The following PLCE1 variants were observed in gnomAD, a reference collection of about 807,000 sequenced individuals.
PLCE1 encodes the protein phospholipase C epsilon 1.
A neutral mutation model predicts 242.8 loss-of-function variants in PLCE1; 119 were observed. The ratio of observed to expected loss-of-function variants is 0.49; its 90% CI spans 0.42 to 0.57. PLCE1 has a LOEUF of 0.57. PLCE1 is among the 20% of genes least tolerant of loss of function. The probability of loss-of-function intolerance (pLI) is 0.00; values close to 1 mark genes in which losing one functional copy is unlikely to be tolerated. For synonymous variants in PLCE1, 945 were observed against 1,017.4 expected (o/e 0.93, Z 1.35); for missense variants, 2,441 against 2,788.8 (o/e 0.88, Z 2.81).
At chr10:94,217,213 G>A (rs1353551426) in intron 4 of PLCE1, among the ~76,000 whole-genome samples, 1 of 151,842 alleles carries the variant, frequency 6.6e-6, no homozygotes, top group Non-Finnish European at 1.5e-5. Flanking sequence ...TACCAGCCTT[G>A]TAGAGCTGAA....
chr10:94,079,211 G>T (rs576707068), intron 2 of PLCE1, among the ~76,000 whole-genome samples: 6 of 152,264 alleles, frequency 3.9e-5, no homozygotes, highest in African/African-American at 1.4e-4. Flanking sequence ...GAGTCAAGTG[G>T]ATATTTTCAT....
chr10:94,175,212 G>A (rs969417032), intron 4 of PLCE1, among the ~76,000 whole-genome samples: 2 of 152,084 alleles, frequency 1.3e-5, no homozygotes, highest in African/African-American at 4.8e-5. Context: ...AGTAAAACCT[G>A]ACTTGCTAAT....
chr10:94,041,481 C>T (rs1472242794), intron 2 of PLCE1, among the ~76,000 whole-genome samples: 1 of 152,180 alleles, frequency 6.6e-6, no homozygotes, highest in African/African-American at 2.4e-5. Context: ...ATGTTTGCAT[C>T]TCCTTGTCCC....
Position 94,185,235 on chromosome 10 carries a change from C to T in PLCE1, c.1809+13739C>T, listed in dbSNP as rs74651761. 5.1e-3 allele frequency among the ~76,000 whole-genome samples: 776 copies of T among 152,340 alleles called. 3 individuals are homozygous for T. Among genetic ancestry groups the T allele is most frequent in the Middle Eastern group, 0.017 (5 of 294 alleles). ...TTGGGCATACGGCCACAGTGGCTCA[C>T]GCCTGTAATAACCAGCATTTTAAGA... On this transcript the variant is annotated intron_variant, in intron 4 of 32. Transcript: ENST00000371380.
chr10:94,084,936 G>T (rs747935705), intron 2 of PLCE1, among the ~76,000 whole-genome samples: 4 of 152,090 alleles, frequency 2.6e-5, no homozygotes, highest in Non-Finnish European at 5.9e-5. Context: ...TCCATTTGTG[G>T]CATTAAACAG....
chr10:94,095,492 G>A (rs1392579592), intron 2 of PLCE1, among the ~76,000 whole-genome samples: 7 of 152,114 alleles, frequency 4.6e-5, no homozygotes. Context: ...GAGTAGCAGG[G>A]ACTACAGGCA....
In PLCE1 at chr10:94,031,201, A is replaced by T. The variant is rs372251905; in HGVS notation, c.155A>T (p.His52Leu). The change falls in exon 2 of 33, where the codon CAT (histidine) becomes CTT (leucine). Residue 52 changes from histidine (H) to leucine (L), a missense_variant. Transcript: ENST00000371380. ...GTCAGACGAAGTGGGGAGACTTCTC[A>T]TACCATCTCACAACTGAACAAACTT... The part of the protein sequence containing the change: ...HTVRRSGETS[H>L]TISQLNKLKE... 3 of 1,613,826 alleles carry T rather than the reference A, an allele frequency of 1.9e-6. No homozygotes were observed. Among genetic ancestry groups the T allele is most frequent in the Non-Finnish European group, 1.7e-6 (2 of 1,179,824 alleles).
chr10:94,209,794 A>T (rs1050596914), intron 4 of PLCE1, among the ~76,000 whole-genome samples: 7 of 152,238 alleles, frequency 4.6e-5, no homozygotes, highest in Admixed American at 3.3e-4. Flanking sequence ...TCTAGAAATC[A>T]TTGACTATAT....
intron 2 of PLCE1, among the ~76,000 whole-genome samples, chr10:94,121,805 G>A (rs555342551): frequency 6.6e-6 from 1 of 152,184 alleles, no homozygotes; most frequent in African/African-American, 2.4e-5. Context: ...ATATATTCTA[G>A]GAGGTCAGCC....
At chr10:94,274,482 G>GT (rs1465331523) in intron 19 of PLCE1, among the ~76,000 whole-genome samples, 5 of 152,132 alleles carry the variant, frequency 3.3e-5, no homozygotes, top group South Asian at 2.1e-4. Context: ...TGAAGTGTTT[G>GT]TGTCCTCTGA....
chr10:94,042,714 T>G (rs1168373478), intron 2 of PLCE1, among the ~76,000 whole-genome samples: 1 of 152,156 alleles, frequency 6.6e-6, no homozygotes, highest in African/African-American at 2.4e-5. Context: ...AAGATTTATT[T>G]TTTATGACTC....
At position 94,306,585 on chromosome 10, in the gene PLCE1, C is replaced by G. The variant is rs377288149; in HGVS notation, c.5781C>G (p.His1927Gln). The G allele has an allele frequency of 5.0e-6, 8 of 1,614,046 alleles. No individual in the cohort carries two copies. In the South Asian group the frequency reaches 8.8e-5, roughly 18 times the overall value. ...NPMWNEQFLF[H>Q]VHFEDLVFLR... ...TGTGGAACGAGCAGTTTCTGTTCCA[C>G]GTTCACTTCGAAGATCTTGTATTTC... Residue 1927 changes from histidine to glutamine, a missense_variant, in exon 26 of 33, where the codon CAC becomes CAG. Physicochemically the swap from His to Gln is conservative, Grantham distance 24. Transcript: ENST00000371380. The surrounding 1 kb of genome is among the most constrained non-coding windows in gnomAD (Gnocchi z 5.7).
At chr10:94,004,050 G>C (rs964380170) in intron 1 of PLCE1, among the ~76,000 whole-genome samples, 5 of 152,084 alleles carry the variant, frequency 3.3e-5, no homozygotes, top group African/African-American at 1.2e-4. Context: ...GGGAGGCCGA[G>C]GCAAGGAATT....
intron 7 of PLCE1, among the ~76,000 whole-genome samples, chr10:94,243,202 A>C (rs193063743): frequency 1.2e-4 from 18 of 152,298 alleles, no homozygotes; most frequent in African/African-American, 3.9e-4. Flanking sequence ...GATAAGAATG[A>C]TACTTTACCT....
chr10:94,133,604 C>T (rs1175663085), intron 3 of PLCE1, among the ~76,000 whole-genome samples: 1 of 152,092 alleles, frequency 6.6e-6, no homozygotes. Flanking sequence ...CCATTCCTAC[C>T]CACACACACA....
rs1227522365 is a variant in PLCE1 at position 94,131,129 on chromosome 10, AC to A, written c.1207-1044del. Among the ~76,000 whole-genome samples the A allele has an allele frequency of 2.0e-5, 3 of 152,330 alleles. No homozygotes were observed. In the East Asian group the frequency reaches 5.8e-4, roughly 29 times the overall value. On this transcript the variant is annotated intron_variant, in intron 2 of 32. Coordinates refer to ENST00000371380, the MANE Select transcript of PLCE1 (RefSeq NM_016341.4). ...CAGCCAAGGCAAGGTGCTCAAGGTG[AC>A]ATGATAGAGACAGCATGATAGAGAC...
chr10:94,253,753 CA>C (rs1478938675), intron 9 of PLCE1, among the ~76,000 whole-genome samples: 1 of 152,200 alleles, frequency 6.6e-6, no homozygotes, highest in African/African-American at 2.4e-5. Flanking sequence ...GATCCACCCC[CA>C]TGATCCAAAC....
intron 24 of PLCE1, among the ~76,000 whole-genome samples, chr10:94,303,946 G>A (rs1239183189): frequency 1.3e-5 from 2 of 152,112 alleles, no homozygotes; most frequent in African/African-American, 4.8e-5. Context: ...ATCTAGAGAT[G>A]ATTTTAAGTA....
chr10:94,014,199 C>T (rs1747875122), intron 1 of PLCE1, among the ~76,000 whole-genome samples: 1 of 152,180 alleles, frequency 6.6e-6, no homozygotes, highest in Non-Finnish European at 1.5e-5. Flanking sequence ...TCTGGGTCAA[C>T]AGGAGGGGGT....
Sources: gnomAD v4.1 joint callset for allele counts (sites outside exome capture counted in the v4.1 genomes callset) on GRCh38, gnomAD v4.1.1 for gene constraint, Gnocchi (gnomAD v3.1) non-coding constraint, MANE v1.5 for transcripts, NCBI Gene and HGNC (gene_info 2026-07-23, HGNC 2026-07-21) for gene names.